Variants in TMLHE observed in about 807,000 individuals in gnomAD.
TMLHE encodes trimethyllysine dioxygenase, mitochondrial.
TMLHE carries 18 observed loss-of-function variants against 25.7 expected under a neutral mutation model. That is an observed-to-expected ratio of 0.70 (90% confidence interval 0.48 to 1.04). TMLHE has a LOEUF of 1.04. Ranked by LOEUF, TMLHE falls within the 50% of genes least tolerant of loss-of-function variation. The probability of loss-of-function intolerance (pLI) is 0.00; values close to 1 mark genes in which losing one functional copy is unlikely to be tolerated. For missense variants in TMLHE, 236 were observed against 259.0 expected (o/e 0.91, Z 0.61); for synonymous variants, 105 against 97.0 (o/e 1.08, Z -0.49).
chrX:155,599,652 A>T (rs1358443013), intron 1 of TMLHE, among the ~76,000 whole-genome samples: 2 of 112,227 alleles, frequency 1.8e-5, no homozygotes, highest in African/African-American at 6.5e-5. Context: ...AACATACTTA[A>T]CAGTAAGATA....
chrX:155,547,824 C>T (rs1313288212), intron 1 of TMLHE, among the ~76,000 whole-genome samples: 1 of 110,990 alleles, frequency 9.0e-6, no homozygotes, highest in Non-Finnish European at 1.9e-5. Flanking sequence ...TTTACCACCC[C>T]ATTCTTTCAA....
chrX:155,550,111 T>C (rs996547647), intron 1 of TMLHE, among the ~76,000 whole-genome samples: 4 of 110,910 alleles, frequency 3.6e-5, no homozygotes, highest in African/African-American at 6.7e-5. Context: ...ATTTTCTTTA[T>C]CCAGTCTCAA....
intron 1 of TMLHE, among the ~76,000 whole-genome samples, chrX:155,550,503 C>A (rs182772574): frequency 1.8e-5 from 2 of 111,185 alleles, no homozygotes; most frequent in Admixed American, 1.9e-4. Flanking sequence ...AATATCAATT[C>A]CTGGAGTATG....
intron 2 of TMLHE, among the ~76,000 whole-genome samples, chrX:155,542,245 T>C (rs1557338309): frequency 9.0e-6 from 1 of 111,679 alleles, no homozygotes. Flanking sequence ...AGGGATCCAG[T>C]TTCAGCCTTC....
intron 2 of TMLHE, among the ~76,000 whole-genome samples, chrX:155,542,758 G>A (rs1557338348): frequency 9.0e-6 from 1 of 111,417 alleles, no homozygotes; most frequent in Non-Finnish European, 1.9e-5. Flanking sequence ...ATTCCATTGT[G>A]TTCTTGCTTG....
At chrX:155,581,703 G>C (rs1395852327) in intron 1 of TMLHE, among the ~76,000 whole-genome samples, 16 of 112,008 alleles carry the variant, frequency 1.4e-4, no homozygotes, top group Non-Finnish European at 3.0e-4. Context: ...AACATTCCAT[G>C]CTCATGGACA....
chrX:155,511,850 T>C, intron 4 of TMLHE, 58 bp from the exon 5 acceptor site: 1 of 1,077,093 alleles, frequency 9.3e-7, no homozygotes, highest in South Asian at 2.6e-5. Context: ...TTCTTGTCTT[T>C]CAAAACTCCT....
At chrX:155,524,715 T>C in intron 2 of TMLHE, 83 bp from the exon 3 acceptor site, 1 of 944,760 alleles carries the variant, frequency 1.1e-6, no homozygotes, top group Non-Finnish European at 1.4e-6. Context: ...CTTCTAAAAG[T>C]CTTCTACCAA....
rs1199304180 is a variant in TMLHE, at chrX:155,568,053, G to A, written c.-1-22776C>T. On this transcript the variant is annotated intron_variant, in intron 1 of 7. Transcript: ENST00000334398. ...CGAGGCATTGCCTCACTCAGGAAGC[G>A]CAAGGGGTCAGGGAGTTCCCTTTCC... is the stretch of plus-strand genomic sequence containing the variant. Among the ~76,000 whole-genome samples, 3 of 61,499 alleles carry A rather than the reference G, an allele frequency of 4.9e-5. 1 individual carries two copies. The Admixed American group carries it at 5.7e-4, about 12-fold the overall frequency. 53.4% of individuals were successfully genotyped at this position (61,499 alleles called of 115,157 possible).
chrX:155,548,429 C>G (rs782091704), intron 1 of TMLHE, among the ~76,000 whole-genome samples: 3 of 111,381 alleles, frequency 2.7e-5, no homozygotes, highest in East Asian at 2.8e-4. Context: ...GTATTAATAT[C>G]AAGAATATTT....
chrX:155,555,872 T>G (rs1209588141), intron 1 of TMLHE, among the ~76,000 whole-genome samples: 14 of 110,094 alleles, frequency 1.3e-4, no homozygotes, highest in Non-Finnish European at 2.5e-4. Context: ...CTCTTTAGTT[T>G]AATTAGATCC....
chrX:155,577,348 C>T (rs952277014), intron 1 of TMLHE, among the ~76,000 whole-genome samples: 2 of 111,034 alleles, frequency 1.8e-5, no homozygotes, highest in African/African-American at 3.3e-5. Context: ...GAGGCCAAGG[C>T]GGGTGGATTG....
intron 1 of TMLHE, among the ~76,000 whole-genome samples, chrX:155,583,820 G>T (rs1173703721): frequency 9.0e-6 from 1 of 111,059 alleles, no homozygotes. Flanking sequence ...GGTAGGAGGG[G>T]AGTGAGGGAT....
intron 3 of TMLHE, among the ~76,000 whole-genome samples, chrX:155,522,864 C>T (rs782485735): frequency 9.1e-5 from 10 of 109,843 alleles, no homozygotes; most frequent in East Asian, 2.8e-4. Flanking sequence ...TTCATTTCTT[C>T]GGGATAAATG....
intron 2 of TMLHE, among the ~76,000 whole-genome samples, chrX:155,540,141 G>T (rs1343430500): frequency 2.7e-5 from 3 of 109,592 alleles, no homozygotes; most frequent in African/African-American, 9.9e-5. Context: ...AAGAAATGAT[G>T]GCTGAAAACT....
chrX:155,550,345 A>G (rs1569562118), intron 1 of TMLHE, among the ~76,000 whole-genome samples: 1 of 110,886 alleles, frequency 9.0e-6, no homozygotes, highest in Non-Finnish European at 1.9e-5. Flanking sequence ...TTTTACTTCC[A>G]TTTTTATTAT....
At chrX:155,547,369 C>G (rs781853674) in intron 1 of TMLHE, among the ~76,000 whole-genome samples, 2 of 110,235 alleles carry the variant, frequency 1.8e-5, no homozygotes, top group Non-Finnish European at 3.8e-5. Context: ...TGGTCTCGAT[C>G]TCCTGACCTC....
intron 1 of TMLHE, among the ~76,000 whole-genome samples, chrX:155,586,410 C>T (rs1262273557): frequency 1.8e-5 from 2 of 111,122 alleles, no homozygotes; most frequent in African/African-American, 6.6e-5. Context: ...TAAATGGCTA[C>T]ATGAAGAAAG....
At chrX:155,512,415 G>A (rs782611821) in intron 4 of TMLHE, among the ~76,000 whole-genome samples, 39 of 105,862 alleles carry the variant, frequency 3.7e-4, no homozygotes, top group African/African-American at 1.0e-3. Flanking sequence ...GAGAATATGC[G>A]GTGTTTGGTT....
Sources: allele counts gnomAD v4.1 joint callset (sites outside exome capture counted in the v4.1 genomes callset), GRCh38; gene constraint gnomAD v4.1.1; transcripts MANE v1.5; gene names NCBI Gene and HGNC (gene_info 2026-07-23, HGNC 2026-07-21).